The following LMNB1 variants were observed in gnomAD, a reference collection of about 807,000 sequenced individuals.
LMNB1 encodes lamin-B1.
LMNB1 carries 23 observed loss-of-function variants against 67.1 expected under a neutral mutation model. The observed-to-expected ratio is 0.34, with a 90% CI of 0.25 to 0.49. The LOEUF is 0.49. Ranked by LOEUF, LMNB1 falls within the 20% of genes least tolerant of loss-of-function variation. The probability of loss-of-function intolerance (pLI) is 0.99; values close to 1 mark genes in which losing one functional copy is unlikely to be tolerated. For missense variants in LMNB1, 634 were observed against 746.5 expected (o/e 0.85, Z 1.76); for synonymous variants, 281 against 282.9 (o/e 0.99, Z 0.07).
chr5:126,777,760 C>G lies in LMNB1; in HGVS notation c.252C>G (p.Thr84=). The change falls in exon 1 of 11, where the codon ACC becomes ACG. Residue 84 remains threonine (T), a synonymous_variant. Transcript: ENST00000261366. ...CCGGCCTCAAGGCGCTCTACGAGAC[C>G]GAGCTGGCCGACGCGCGACGCGCGC... The part of the protein sequence containing the change: ...ELTGLKALYE[T]ELADARRALD... The G allele has an allele frequency of 6.6e-7, 1 of 1,522,054 alleles. No individual in the cohort carries two copies. Among genetic ancestry groups the G allele is most frequent in the South Asian group, 1.2e-5 (1 of 82,082 alleles). The allele number at this position is 1,522,054 out of a possible 1,614,324, so 94.3% of individuals were successfully genotyped here.
Position 126,832,775 on chromosome 5 carries a change from G to T in LMNB1, c.1693G>T (p.Val565Phe), listed in dbSNP as rs1752166209. The T allele has an allele frequency of 1.2e-6, 2 of 1,610,616 alleles. No homozygotes were observed. The highest frequency in any genetic ancestry group is 1.3e-5 in the African/African-American group (1 of 74,934). The change falls in exon 10 of 11, where the codon GTT becomes TTT. Residue 565 changes from valine (V) to phenylalanine (F), a missense_variant. Val to Phe is a conservative substitution (Grantham distance 50). Coordinates refer to ENST00000261366, the MANE Select transcript of LMNB1 (RefSeq NM_005573.4). ...EEEEEAAGVV[V>F]EEELFHQQGT... ...GGAGGAAGAAGCAGCTGGAGTGGTT[G>T]TTGAGGAAGAACTTTTCCACCAGCA... is the stretch of plus-strand genomic sequence containing the variant.
intron 1 of LMNB1, among the ~76,000 whole-genome samples, chr5:126,783,605 C>G (rs1750687084): frequency 6.6e-6 from 1 of 152,084 alleles, no homozygotes; most frequent in African/African-American, 2.4e-5. Context: ...AAAGCAAGAT[C>G]TTTTGGAGTT....
intron 1 of LMNB1, among the ~76,000 whole-genome samples, chr5:126,798,265 C>T (rs1293563032): frequency 2.0e-5 from 3 of 152,030 alleles, no homozygotes; most frequent in African/African-American, 7.2e-5. Flanking sequence ...CTGGCCAACA[C>T]GGTGAAACCC....
intron 1 of LMNB1, among the ~76,000 whole-genome samples, chr5:126,787,546 A>ATATATATATATATTTTTT: frequency 2.3e-4 from 15 of 65,564 alleles, no homozygotes; most frequent in African/African-American, 5.9e-4. Context: ...ATATATATAT[A>ATATATATATATATTTTTT]TTTTTTTTTT....
intron 1 of LMNB1, among the ~76,000 whole-genome samples, chr5:126,780,854 T>C (rs939764844): frequency 6.6e-6 from 1 of 152,196 alleles, no homozygotes; most frequent in African/African-American, 2.4e-5. Context: ...TTTTCATTTT[T>C]CTTGTTAAGA....
chr5:126,800,977 A>AATTTTTT (rs1481273764), intron 1 of LMNB1, among the ~76,000 whole-genome samples: 75 of 38,188 alleles, frequency 2.0e-3, no homozygotes, highest in East Asian at 4.4e-3. Context: ...ATATATATAT[A>AATTTTTT]TATAATTTTT....
intron 1 of LMNB1, among the ~76,000 whole-genome samples, chr5:126,802,522 C>T (rs1409192326): frequency 6.6e-6 from 1 of 152,194 alleles, no homozygotes; most frequent in Non-Finnish European, 1.5e-5. Flanking sequence ...CGGCTCACTG[C>T]AACCTCTACC....
intron 1 of LMNB1, among the ~76,000 whole-genome samples, chr5:126,795,477 T>A (rs1366278531): frequency 4.6e-5 from 7 of 152,096 alleles, no homozygotes; most frequent in Non-Finnish European, 5.9e-5. Flanking sequence ...ATTGCAGGCC[T>A]GGAATGACTT....
chr5:126,795,893 T>G (rs1041910987), intron 1 of LMNB1, among the ~76,000 whole-genome samples: 1 of 149,604 alleles, frequency 6.7e-6, no homozygotes, highest in Non-Finnish European at 1.5e-5. Context: ...CCCAAAGTGC[T>G]GGGATTACAG....
chr5:126,787,470 G>GTATATGTTATATATAACATATACTT (rs1750821735), intron 1 of LMNB1, among the ~76,000 whole-genome samples: 3 of 140,412 alleles, frequency 2.1e-5, no homozygotes, highest in Non-Finnish European at 4.5e-5. Context: ...TATACTTTAT[G>GTATATGTTATATATAACATATACTT]TATATGTTAC....
rs185055594 is a variant in LMNB1, at chr5:126,790,880, G to C, written c.359+13013G>C. The stretch of plus-strand genomic sequence containing the variant: ...TACTAAAAGTACAAAAAATTAGCCG[G>C]TGTGGTGGTGGGTGCCTGTAATCCC... On this transcript the variant is annotated intron_variant, in intron 1 of 10. Transcript: ENST00000261366. Among the ~76,000 whole-genome samples the C allele has an allele frequency of 3.6e-4, 54 of 152,046 alleles. 1 individual carries two copies. Among genetic ancestry groups the C allele is most frequent in the African/African-American group, 1.3e-3 (53 of 41,408 alleles).
intron 1 of LMNB1, among the ~76,000 whole-genome samples, chr5:126,801,634 A>G (rs1751289351): frequency 6.6e-6 from 1 of 152,182 alleles, no homozygotes; most frequent in Admixed American, 6.5e-5. Flanking sequence ...TAAATCTGTG[A>G]AGTCAAATAA....
At chr5:126,802,130 G>C (rs1456451199) in intron 1 of LMNB1, among the ~76,000 whole-genome samples, 1 of 152,078 alleles carries the variant, frequency 6.6e-6, no homozygotes, top group African/African-American at 2.4e-5. Flanking sequence ...TTCAGTTAAA[G>C]CCTGCCATCG....
chr5:126,802,751 T>C (rs908437960), intron 1 of LMNB1, among the ~76,000 whole-genome samples: 4 of 152,282 alleles, frequency 2.6e-5, no homozygotes, highest in African/African-American at 9.6e-5. Context: ...ATAATTTTGG[T>C]ATTATTAAGG....
At position 126,820,396 on chromosome 5, in the gene LMNB1, T is replaced by G. The variant is rs548703771; in HGVS notation, c.1161-514T>G. Among the ~76,000 whole-genome samples, 4 of 152,334 alleles carry G rather than the reference T, an allele frequency of 2.6e-5. No individual in the cohort carries two copies. The South Asian group carries it at 8.3e-4, about 32-fold the overall frequency. ...CTAGAGAAAACATTCAGATTGTTAT[T>G]TTTTAAAAAAGAAAATTGACGATGG... On this transcript the variant is annotated intron_variant, in intron 6 of 10. Transcript: ENST00000261366.
intron 5 of LMNB1, among the ~76,000 whole-genome samples, chr5:126,814,928 G>T (rs1751672352): frequency 6.6e-6 from 1 of 152,152 alleles, no homozygotes; most frequent in South Asian, 2.1e-4. Flanking sequence ...GTTAGGCAGT[G>T]CACTGGGGGT....
chr5:126,811,052 TAAACTG>T (rs1446348641), intron 4 of LMNB1, among the ~76,000 whole-genome samples: 1 of 152,278 alleles, frequency 6.6e-6, no homozygotes, highest in Non-Finnish European at 1.5e-5. Context: ...TGCATGGCTT[TAAACTG>T]TTCATGTTGC....
chr5:126,822,401 T>G (rs1379917467), intron 7 of LMNB1, among the ~76,000 whole-genome samples: 1 of 152,242 alleles, frequency 6.6e-6, no homozygotes, highest in Non-Finnish European at 1.5e-5. Context: ...TTTCTAAGCT[T>G]ATGTGTCTAT....
chr5:126,786,349 C>T (rs1480954991), intron 1 of LMNB1, among the ~76,000 whole-genome samples: 1 of 152,074 alleles, frequency 6.6e-6, no homozygotes, highest in Non-Finnish European at 1.5e-5. Flanking sequence ...TCTCGATCTC[C>T]TGACCTCGTG....
Sources: gnomAD v4.1 joint callset for allele counts (sites outside exome capture counted in the v4.1 genomes callset) on GRCh38, gnomAD v4.1.1 for gene constraint, MANE v1.5 for transcripts, NCBI Gene and HGNC (gene_info 2026-07-23, HGNC 2026-07-21) for gene names.